Variants in MYO3B observed in about 807,000 individuals in gnomAD.
MYO3B encodes the protein myosin-IIIb.
Under a neutral mutation model 174.6 loss-of-function variants are expected in MYO3B, and 156 were observed. The ratio of observed to expected loss-of-function variants is 0.89; its 90% confidence interval spans 0.78 to 1.02. The LOEUF (loss-of-function observed/expected upper bound fraction) is 1.02, where lower values mean the gene tolerates loss of function less well. Among genes scored for constraint, MYO3B ranks in the 50% least tolerant of loss-of-function variants. The pLI is 0.00. For missense variants in MYO3B, 1,632 were observed against 1,639.4 expected (o/e 1.00, Z 0.08); for synonymous variants, 563 against 569.1 (o/e 0.99, Z 0.15).
intron 7 of MYO3B, among the ~76,000 whole-genome samples, chr2:170,286,953 C>T (rs963039310): frequency 6.6e-6 from 1 of 151,978 alleles, no homozygotes; most frequent in Admixed American, 6.6e-5. Context: ...TTTTTGAGCT[C>T]CCACATATGA....
intron 6 of MYO3B, among the ~76,000 whole-genome samples, chr2:170,221,547 T>A (rs530120151): frequency 6.6e-6 from 1 of 152,120 alleles, no homozygotes; most frequent in Non-Finnish European, 1.5e-5. Flanking sequence ...TACTCCCTAC[T>A]CATTTTCTCT....
chr2:170,360,046 A>G (rs144229454), intron 8 of MYO3B, among the ~76,000 whole-genome samples: 2,936 of 152,280 alleles, frequency 0.019, 41 homozygotes, highest in South Asian at 0.04. Flanking sequence ...GTGGATGAAT[A>G]TAATGTCTTC....
intron 9 of MYO3B, among the ~76,000 whole-genome samples, chr2:170,375,392 A>G (rs1309561488): frequency 1.3e-5 from 2 of 152,214 alleles, no homozygotes; most frequent in Non-Finnish European, 2.9e-5. Context: ...GTAAAATTAC[A>G]AGATCCAGCA....
intron 23 of MYO3B, among the ~76,000 whole-genome samples, chr2:170,461,425 A>C (rs1008082910): frequency 6.9e-6 from 1 of 144,462 alleles, no homozygotes; most frequent in Non-Finnish European, 1.5e-5. Flanking sequence ...GTGAGCTGAG[A>C]TCGCACCATT....
Position 170,214,737 on chromosome 2 carries a change from G to T in MYO3B, c.435G>T (p.Gln145His), listed in dbSNP as rs750987451. 3 of 1,613,994 alleles carry T rather than the reference G, an allele frequency of 1.9e-6. No homozygotes were observed. Among genetic ancestry groups the T allele is most frequent in the African/African-American group, 2.7e-5 (2 of 75,016 alleles). ...GGTGGGATGCCATGCAGGGCCTTCA[G>T]CATTTGCACAACAACCGAATCATCC... is the stretch of plus-strand genomic sequence containing the variant. Reference protein sequence around the residue: ...YILYGALLGLQHLHNNRIIHR... With the variant: ...YILYGALLGLHHLHNNRIIHR... The change falls in exon 5 of 35, where the codon CAG (glutamine) becomes CAT (histidine). Residue 145 changes from glutamine (Q) to histidine (H), a missense_variant. Physicochemically the swap from Gln to His is conservative, Grantham distance 24 (BLOSUM62 0). Transcript: ENST00000408978.
intron 7 of MYO3B, among the ~76,000 whole-genome samples, chr2:170,327,876 C>CTATATATAGTATATATATATATATATAT (rs1559390148): frequency 3.9e-5 from 2 of 51,650 alleles, no homozygotes; most frequent in African/African-American, 7.5e-5. Context: ...TATATATATA[C>CTATATATAGTATATATATATATATATAT]ACTATATATA....
intron 16 of MYO3B, among the ~76,000 whole-genome samples, chr2:170,399,900 C>T (rs2094464124): frequency 6.6e-6 from 1 of 152,188 alleles, no homozygotes; most frequent in African/African-American, 2.4e-5. Context: ...TAAGGCTGTG[C>T]TGGGAGTTCC....
At chr2:170,641,839 T>C (rs532337553) in intron 32 of MYO3B, among the ~76,000 whole-genome samples, 1 of 115,698 alleles carries the variant, frequency 8.6e-6, no homozygotes, top group Non-Finnish European at 1.7e-5. Context: ...ATGGAAATAT[T>C]TATGACTTTA....
chr2:170,521,317 T>G (rs1369275070), intron 30 of MYO3B, among the ~76,000 whole-genome samples: 1 of 152,204 alleles, frequency 6.6e-6, no homozygotes, highest in Non-Finnish European at 1.5e-5. Context: ...TAACAAAGTT[T>G]ACAATTTCTA....
chr2:170,462,571 A>C lies in MYO3B; in HGVS notation c.2731-797A>C, dbSNP rs115179177. On this transcript the variant is annotated intron_variant, in intron 23 of 34. Coordinates refer to ENST00000408978, the MANE Select transcript of MYO3B (RefSeq NM_138995.5). ...CGGCAGTCCACCCAGCCTAACCCACATGCTGACAGCAGTGTCTTCCATCTC... is the reference window on the plus strand; with the variant it reads ...CGGCAGTCCACCCAGCCTAACCCACCTGCTGACAGCAGTGTCTTCCATCTC... 5.5e-3 allele frequency among the ~76,000 whole-genome samples: 842 copies of C among 152,344 alleles called. 7 individuals carry two copies. Among genetic ancestry groups the C allele is most frequent in the African/African-American group, 0.019 (805 of 41,588 alleles).
chr2:170,474,575 TA>T (rs539010938), intron 25 of MYO3B, among the ~76,000 whole-genome samples: 108 of 143,880 alleles, frequency 7.5e-4, no homozygotes, highest in Admixed American at 1.3e-3. Flanking sequence ...TGTCTCTACT[TA>T]AAAAAAAAAA....
At chr2:170,626,201 AG>A (rs1351684865) in intron 32 of MYO3B, among the ~76,000 whole-genome samples, 3,667 of 152,272 alleles carry the variant, frequency 0.024, 146 homozygotes, top group African/African-American at 0.082. Context: ...GTCTCTTTGT[AG>A]GTCTCTAAGG....
At chr2:170,453,453 C>CACACACACACACACGA (rs749891550) in intron 23 of MYO3B, among the ~76,000 whole-genome samples, 18 of 122,964 alleles carry the variant, frequency 1.5e-4, no homozygotes, top group African/African-American at 4.4e-4. Flanking sequence ...CACACACACA[C>CACACACACACACACGA]GAGAGAGAGA....
chr2:170,371,470 C>T (rs1025680352), intron 9 of MYO3B, among the ~76,000 whole-genome samples: 1 of 151,838 alleles, frequency 6.6e-6, no homozygotes, highest in African/African-American at 2.4e-5. Flanking sequence ...ACACTTTAAA[C>T]AGACACTTCC....
chr2:170,270,175 C>G (rs2093415800), intron 7 of MYO3B, among the ~76,000 whole-genome samples: 1 of 152,046 alleles, frequency 6.6e-6, no homozygotes, highest in Non-Finnish European at 1.5e-5. Context: ...TTTACTTTTT[C>G]TATGCTACTG....
At chr2:170,400,379 A>G in intron 17 of MYO3B, 65 bp downstream of exon 17, 1 of 1,552,642 alleles carries the variant, frequency 6.4e-7, no homozygotes, top group Non-Finnish European at 8.7e-7. Flanking sequence ...GCTCTGTAAA[A>G]TATAATGCAG....
chr2:170,428,372 A>G (rs1230966963), intron 22 of MYO3B, among the ~76,000 whole-genome samples: 2 of 152,174 alleles, frequency 1.3e-5, no homozygotes, highest in Admixed American at 6.5e-5. Context: ...TATTGTCTTT[A>G]TTTTGTTCTT....
At chr2:170,191,528 C>T (rs28720870) in intron 1 of MYO3B, among the ~76,000 whole-genome samples, 8,276 of 152,080 alleles carry the variant, frequency 0.054, 553 homozygotes, top group East Asian at 0.3. Flanking sequence ...TGCAATTTCC[C>T]CCCGGCTAGG....
At chr2:170,264,155 G>T (rs143156628) in intron 7 of MYO3B, among the ~76,000 whole-genome samples, 1 of 152,318 alleles carries the variant, frequency 6.6e-6, no homozygotes, top group Non-Finnish European at 1.5e-5. Context: ...TAGGGTTAGA[G>T]AATTTTTCTT....
Sources: allele counts gnomAD v4.1 joint callset (sites outside exome capture counted in the v4.1 genomes callset), GRCh38; gene constraint gnomAD v4.1.1; transcripts MANE v1.5; gene names NCBI Gene and HGNC (gene_info 2026-07-23, HGNC 2026-07-21).